Variants in MTCL1 observed in about 807,000 individuals in gnomAD.
MTCL1 encodes the protein microtubule crosslinking factor 1.
A neutral mutation model predicts 141.4 loss-of-function variants in MTCL1; 79 were observed. That is an observed-to-expected ratio of 0.56 (90% CI 0.47 to 0.67). MTCL1 has a LOEUF of 0.67. MTCL1 is among the 30% of genes least tolerant of loss of function. The pLI is 0.00. For synonymous variants in MTCL1, 914 were observed against 875.8 expected, an observed-to-expected ratio of 1.04 and a Z score of -0.77; for missense variants, 2,177 against 2,113.9, an observed-to-expected ratio of 1.03 and a Z score of -0.59.
chr18:8,765,289 G>A (rs532103514), intron 4 of MTCL1, among the ~76,000 whole-genome samples: 2 of 152,332 alleles, frequency 1.3e-5, no homozygotes, highest in Non-Finnish European at 2.9e-5. Flanking sequence ...ATGAAAAGCT[G>A]GGGCAACTAT....
At chr18:8,756,419 ATATATGTG>A (rs1364030751) in intron 4 of MTCL1, among the ~76,000 whole-genome samples, 11 of 145,860 alleles carry the variant, frequency 7.5e-5, no homozygotes, top group South Asian at 2.1e-4. Flanking sequence ...GTATATGTGT[ATATATGTG>A]TATATATGTA....
chr18:8,818,735 G>A (rs1401854683), intron 12 of MTCL1, among the ~76,000 whole-genome samples: 1 of 152,220 alleles, frequency 6.6e-6, no homozygotes, highest in African/African-American at 2.4e-5. Context: ...ATACTCGTAC[G>A]TGGTTAATGC....
intron 7 of MTCL1, 29 bp downstream of exon 6, chr18:8,786,120 C>CAA: frequency 7.4e-7 from 1 of 1,345,742 alleles, no homozygotes; most frequent in Non-Finnish European, 9.6e-7. Flanking sequence ...TCCCCCCCCC[C>CAA]CGCCCTCCCC....
chr18:8,782,902 T>G (rs2096537494), intron 5 of MTCL1, among the ~76,000 whole-genome samples: 1 of 152,198 alleles, frequency 6.6e-6, no homozygotes, highest in Admixed American at 6.5e-5. Flanking sequence ...ACATTAGGGC[T>G]GGGGAGACCG....
At chr18:8,825,030 T>C in exon 15 of MTCL1, 1 of 1,613,086 alleles carries the variant, frequency 6.2e-7, no homozygotes, top group African/African-American at 1.3e-5. Flanking sequence ...CCCAGAGCAC[T>C]GCCAGAAGCA....
chr18:8,819,053 C>G, exon 13 of MTCL1: 3 of 1,614,274 alleles, frequency 1.9e-6, no homozygotes, highest in Non-Finnish European at 2.5e-6. Context: ...CCAGGGAAGC[C>G]TCCGCATGCC....
intron 5 of MTCL1, among the ~76,000 whole-genome samples, chr18:8,780,695 A>G (rs1296287650): frequency 2.0e-5 from 3 of 152,194 alleles, no homozygotes; most frequent in Non-Finnish European, 2.9e-5. Context: ...CCATTCCTTC[A>G]TGGGAACAAC....
intron 4 of MTCL1, among the ~76,000 whole-genome samples, chr18:8,737,207 C>G (rs1467813008): frequency 6.6e-6 from 1 of 152,198 alleles, no homozygotes; most frequent in East Asian, 1.9e-4. Context: ...TCACTTTCAT[C>G]TTCAAAGCAA....
chr18:8,707,182 C>A (rs896652500), intron 1 of MTCL1: 1 of 153,526 alleles, frequency 6.5e-6, no homozygotes, highest in East Asian at 1.9e-4. Flanking sequence ...CTTGCCCCTT[C>A]TCCTGCAATT....
intron 9 of MTCL1, 21 bp from the exon 9 acceptor site, chr18:8,798,076 G>A (rs757512880): frequency 7.7e-6 from 12 of 1,554,850 alleles, no homozygotes; most frequent in African/African-American, 1.4e-5. Context: ...AGCTGTGATC[G>A]TCACCTCCTG....
In MTCL1 at chr18:8,718,330, A is replaced by G. The variant is rs758061861; in HGVS notation, c.-27-94A>G. On this transcript the variant is annotated intron_variant, in intron 2 of 16. Coordinates refer to ENST00000359865, the Ensembl canonical transcript of MTCL1. ...GTGATGGGTAAGCGTGTAGGTATTC[A>G]ATATTTAGTATTGAGGAGCGGGTAT... The G allele has an allele frequency of 6.1e-5, 76 of 1,236,230 alleles. 1 individual carries two copies. The highest frequency in any genetic ancestry group is 8.1e-5 in the Non-Finnish European group (70 of 863,284). The allele number at this position is 1,236,230 out of a possible 1,614,324, so 76.6% of individuals were successfully genotyped here.
chr18:8,804,214 A>G (rs2076217194), intron 10 of MTCL1, among the ~76,000 whole-genome samples: 1 of 151,926 alleles, frequency 6.6e-6, no homozygotes, highest in South Asian at 2.1e-4. Flanking sequence ...GATTGTTGTG[A>G]CACCTCTTGT....
intron 11 of MTCL1, among the ~76,000 whole-genome samples, chr18:8,812,204 G>A (rs2076510144): frequency 6.6e-6 from 1 of 152,176 alleles, no homozygotes; most frequent in Non-Finnish European, 1.5e-5. Context: ...AGATCAAAGT[G>A]CCTGTTGGTA....
exon 15 of MTCL1, chr18:8,825,536 C>T (rs1459584101): frequency 1.9e-6 from 3 of 1,612,056 alleles, no homozygotes; most frequent in Non-Finnish European, 1.7e-6. Flanking sequence ...TCACCAGCAG[C>T]CCCCACAAGT....
exon 6 of MTCL1, chr18:8,783,805 G>C (rs999285320): frequency 1.2e-6 from 2 of 1,613,240 alleles, no homozygotes; most frequent in Admixed American, 1.7e-5. Flanking sequence ...TGGAGGTGGA[G>C]AACCGTGGCC....
At chr18:8,821,331 A>C in intron 13 of MTCL1, 136 bp from the exon 13 acceptor site, 1 of 605,876 alleles carries the variant, frequency 1.7e-6, no homozygotes, top group Non-Finnish European at 3.0e-6. Context: ...AGCACTCCTA[A>C]CCAGAGCTTG....
At chr18:8,824,703 G>A in exon 15 of MTCL1, 1 of 1,609,540 alleles carries the variant, frequency 6.2e-7, no homozygotes, top group Non-Finnish European at 8.5e-7. Flanking sequence ...TCCCAGGGCG[G>A]TGTCCGTGTC....
exon 4 of MTCL1, chr18:8,720,395 C>T (rs765747448): frequency 4.7e-5 from 76 of 1,613,922 alleles, no homozygotes; most frequent in African/African-American, 9.4e-5. Context: ...GGAGGAAAAG[C>T]GCGCTAAAGC....
chr18:8,773,805 A>G (rs2096494289), intron 4 of MTCL1, among the ~76,000 whole-genome samples: 1 of 152,198 alleles, frequency 6.6e-6, no homozygotes, highest in Non-Finnish European at 1.5e-5. Flanking sequence ...AGTTCAAAAT[A>G]TGACCTGTAT....
Sources: gnomAD v4.1 joint callset for allele counts (sites outside exome capture counted in the v4.1 genomes callset) on GRCh38, gnomAD v4.1.1 for gene constraint, MANE v1.5 for transcripts, NCBI Gene and HGNC (gene_info 2026-07-23, HGNC 2026-07-21) for gene names.